UBE3C: variants seen among roughly 807,000 people sequenced by gnomAD.
The protein encoded by UBE3C is ubiquitin protein ligase E3C, also known as ubiquitin-protein ligase E3C.
A neutral mutation model predicts 129.4 loss-of-function variants in UBE3C; 42 were observed. That is an observed-to-expected ratio of 0.32 (90% CI 0.25 to 0.42). The LOEUF is 0.42. Ranked by LOEUF, UBE3C falls within the 10% of genes least tolerant of loss-of-function variation. The pLI, the probability that UBE3C is intolerant of heterozygous loss-of-function variation, is 1.00. For synonymous variants in UBE3C, 510 were observed against 492.4 expected, an observed-to-expected ratio of 1.04 and a Z score of -0.47; for missense variants, 1,049 against 1,319.1, an observed-to-expected ratio of 0.80 and a Z score of 3.17.
At chr7:157,168,233 C>A (rs1016240848) in intron 2 of UBE3C, among the ~76,000 whole-genome samples, 3 of 151,332 alleles carry the variant, frequency 2.0e-5, no homozygotes, top group Non-Finnish European at 4.4e-5. Flanking sequence ...TACCTGTAGT[C>A]CCAGCTACTC....
chr7:157,178,751 G>A lies in UBE3C; in HGVS notation c.520G>A (p.Val174Ile), dbSNP rs1202706902. The change falls in exon 6 of 23, where the codon GTA becomes ATA. Residue 174 changes from valine to isoleucine, a missense_variant. Around this residue, in one of 4 missense-constraint regions of UBE3C, gnomAD observed 489 missense variants for 513.8 expected, o/e 0.95. Coordinates refer to ENST00000348165, the MANE Select transcript of UBE3C (RefSeq NM_014671.3). ...TGCACTTCCAATGAGAATGCTTGAA[G>A]TATTTTCGTCTGAGAATACTTACTT... ...NVALPMRMLEVFSSENTYLPV... is the reference protein window; with the variant it reads ...NVALPMRMLEIFSSENTYLPV... 13 of 1,614,088 alleles carry A rather than the reference G, an allele frequency of 8.1e-6. No homozygotes were observed. The highest frequency in any genetic ancestry group is 1.1e-5 in the Non-Finnish European group (13 of 1,180,022).
At position 157,254,892 on chromosome 7, in the gene UBE3C, C is replaced by T. The variant is rs145050243; in HGVS notation, c.2950+582C>T. ...CCATCTCTACTAAAAATTAGCTGGG[C>T]GTGGTGGCATACACCTGCAGTCCCA... On this transcript the variant is annotated intron_variant, in intron 21 of 22. Transcript: ENST00000348165. Among the ~76,000 whole-genome samples the T allele has an allele frequency of 7.1e-3, 1,078 of 151,620 alleles. 17 individuals carry two copies. The highest frequency in any genetic ancestry group is 0.025 in the African/African-American group (1,022 of 41,410).
chr7:157,156,273 T>G (rs1409328478), intron 1 of UBE3C, among the ~76,000 whole-genome samples: 1 of 151,146 alleles, frequency 6.6e-6, no homozygotes, highest in African/African-American at 2.4e-5. Context: ...CTAGAGCCTT[T>G]CACCTCCACT....
At chr7:157,192,250 A>T (rs905316768) in intron 10 of UBE3C, 18 of 340,356 alleles carry the variant, frequency 5.3e-5, no homozygotes, top group Non-Finnish European at 1.0e-4. Flanking sequence ...AGCATATTCC[A>T]CCAAAGTGAT....
At chr7:157,244,718 A>C (rs945319163) in intron 18 of UBE3C, among the ~76,000 whole-genome samples, 1 of 152,226 alleles carries the variant, frequency 6.6e-6, no homozygotes, top group African/African-American at 2.4e-5. Flanking sequence ...TCGCGACTGC[A>C]CTCACTTATA....
chr7:157,153,449 T>G (rs186525981), intron 1 of UBE3C, among the ~76,000 whole-genome samples: 1 of 151,976 alleles, frequency 6.6e-6, no homozygotes, highest in African/African-American at 2.4e-5. Context: ...AATGGGAGAG[T>G]CACAATTCTC....
intron 1 of UBE3C, among the ~76,000 whole-genome samples, chr7:157,144,118 G>A (rs1329307154): frequency 6.6e-6 from 1 of 152,208 alleles, no homozygotes; most frequent in African/African-American, 2.4e-5. Flanking sequence ...ACATTGGAGA[G>A]TGAATGGGAA....
intron 13 of UBE3C, among the ~76,000 whole-genome samples, chr7:157,211,946 C>T (rs1483566933): frequency 1.3e-5 from 2 of 152,174 alleles, no homozygotes; most frequent in African/African-American, 2.4e-5. Flanking sequence ...CCAGCTGCTG[C>T]GTCATCTGGC....
rs1171196874 is a variant in UBE3C at position 157,249,033 on chromosome 7, AAAAG to A, written c.2694+458_2694+461del. Among the ~76,000 whole-genome samples, 8 of 151,444 alleles carry A rather than the reference AAAAG, an allele frequency of 5.3e-5. 1 individual carries two copies. The South Asian group carries it at 6.2e-4, about 12-fold the overall frequency. On this transcript the variant is annotated intron_variant, in intron 19 of 22. Coordinates refer to ENST00000348165, the MANE Select transcript of UBE3C (RefSeq NM_014671.3). The stretch of plus-strand genomic sequence containing the variant: ...TACTTATATCCTTTTTAAAAAAGAA[AAAAG>A]AAAGGTCTATATTAGAGATTCAAAC...
chr7:157,152,719 G>A (rs563335429), intron 1 of UBE3C, among the ~76,000 whole-genome samples: 1 of 152,180 alleles, frequency 6.6e-6, no homozygotes, highest in East Asian at 1.9e-4. Context: ...ATGCTGTACG[G>A]CCTCTCCCTC....
chr7:157,228,540 T>C (rs1292936913), intron 17 of UBE3C, among the ~76,000 whole-genome samples: 3 of 152,234 alleles, frequency 2.0e-5, no homozygotes, highest in Non-Finnish European at 4.4e-5. Context: ...TTTTATTTCA[T>C]TTAATGGGCA....
At chr7:157,212,919 G>A (rs1038942332) in intron 13 of UBE3C, among the ~76,000 whole-genome samples, 1 of 151,858 alleles carries the variant, frequency 6.6e-6, no homozygotes, top group Non-Finnish European at 1.5e-5. Flanking sequence ...CACCACACCC[G>A]GCTAATTTTT....
Position 157,207,839 on chromosome 7 carries a change from A to T in UBE3C, c.1713A>T (p.Glu571Asp). 6.2e-7 allele frequency: 1 copy of T among 1,614,164 alleles called. No homozygotes were observed. The highest frequency in any genetic ancestry group is 8.5e-7 in the Non-Finnish European group (1 of 1,180,036). ...AAACCAAGCCAGAAGTTCGAGAAGA[A>T]TATATTACAGCATTTCAGAGTATTG... ...YPETKPEVRE[E>D]YITAFQSIGV... The change falls in exon 13 of 23, where the codon GAA becomes GAT. Residue 571 changes from glutamate to aspartate, a missense_variant. Glu to Asp is a conservative substitution (Grantham distance 45). Around this residue, in one of 4 missense-constraint regions of UBE3C, gnomAD observed 314 missense variants for 416.9 expected, o/e 0.75. Transcript: ENST00000348165.
At chr7:157,160,956 C>T (rs557737564) in intron 1 of UBE3C, among the ~76,000 whole-genome samples, 6 of 152,224 alleles carry the variant, frequency 3.9e-5, no homozygotes, top group Admixed American at 6.5e-5. Flanking sequence ...ATTTCGTAAC[C>T]TTACTGTAAT....
intron 10 of UBE3C, among the ~76,000 whole-genome samples, chr7:157,187,784 G>GC (rs1175700493): frequency 6.6e-6 from 1 of 151,938 alleles, no homozygotes; most frequent in Non-Finnish European, 1.5e-5. Flanking sequence ...CACCATGTTA[G>GC]CCAGGATGGT....
At chr7:157,201,544 C>G (rs1224184897) in intron 10 of UBE3C, among the ~76,000 whole-genome samples, 177 bp from the exon 11 acceptor site, 2 of 147,802 alleles carry the variant, frequency 1.4e-5, no homozygotes, top group Non-Finnish European at 3.0e-5. Context: ...AGCCGTGTCT[C>G]GGTGTCTCAT....
intron 1 of UBE3C, among the ~76,000 whole-genome samples, chr7:157,147,371 C>T (rs56093806): frequency 0.014 from 2,062 of 152,266 alleles, 40 homozygotes; most frequent in African/African-American, 0.047. Flanking sequence ...CATGTACTAA[C>T]CTTATGTCCT....
chr7:157,192,359 G>A (rs965539396), intron 10 of UBE3C: 44 of 636,802 alleles, frequency 6.9e-5, no homozygotes, highest in Non-Finnish European at 1.1e-4. Flanking sequence ...CGGTGGAGCC[G>A]CCACCAAAAT....
At chr7:157,169,764 C>T (rs927305675) in intron 3 of UBE3C, among the ~76,000 whole-genome samples, 6 of 152,178 alleles carry the variant, frequency 3.9e-5, no homozygotes, top group Non-Finnish European at 7.3e-5. Flanking sequence ...TCACTGCAAG[C>T]TCTGCCCCCA....
Sources: gnomAD v4.1 joint callset for allele counts (sites outside exome capture counted in the v4.1 genomes callset) on GRCh38, gnomAD v4.1.1 for gene constraint, gnomAD v4.1.1 regional missense constraint, MANE v1.5 for transcripts, NCBI Gene and HGNC (gene_info 2026-07-23, HGNC 2026-07-21) for gene names.